The following AXIN1 variants were observed in gnomAD, a reference collection of about 807,000 sequenced individuals.
The protein encoded by AXIN1 is axin-1.
AXIN1 carries 30 observed loss-of-function variants against 76.4 expected under a neutral mutation model. That is an observed-to-expected ratio of 0.39 (90% CI 0.29 to 0.53). The LOEUF (loss-of-function observed/expected upper bound fraction) is 0.53. Ranked by LOEUF, AXIN1 falls within the 20% of genes least tolerant of loss-of-function variation. The pLI, the probability that AXIN1 is intolerant of heterozygous loss-of-function variation, is 0.66. For synonymous variants in AXIN1, 545 were observed against 501.4 expected, an observed-to-expected ratio of 1.09 and a Z score of -1.16; for missense variants, 1,140 against 1,198.8, an observed-to-expected ratio of 0.95 and a Z score of 0.72.
intron 4 of AXIN1, among the ~76,000 whole-genome samples, chr16:306,901 G>A (rs932810691): frequency 1.3e-5 from 2 of 152,254 alleles, no homozygotes; most frequent in Non-Finnish European, 2.9e-5. Flanking sequence ...GGGCCGGTGT[G>A]TCCGGGTGTG....
intron 2 of AXIN1, among the ~76,000 whole-genome samples, chr16:335,323 C>T (rs987069202): frequency 1.3e-5 from 2 of 152,256 alleles, no homozygotes; most frequent in African/African-American, 2.4e-5. Flanking sequence ...CACACCTCGG[C>T]CACTAGTCTG....
At chr16:310,640 G>C (rs879533340) in intron 3 of AXIN1, among the ~76,000 whole-genome samples, 164 of 152,322 alleles carry the variant, frequency 1.1e-3, no homozygotes, top group Admixed American at 4.7e-3. Flanking sequence ...CTCGTGATCC[G>C]CCCGCCTCGG....
chr16:326,027 C>T (rs2053572130), intron 2 of AXIN1, among the ~76,000 whole-genome samples: 1 of 151,910 alleles, frequency 6.6e-6, no homozygotes, highest in African/African-American at 2.4e-5. Flanking sequence ...ACAACTGGCC[C>T]CCATTCATGC....
Position 352,706 on chromosome 16 carries a change from C to G in AXIN1, c.-419G>C, listed in dbSNP as rs1000508105. On this transcript the variant is annotated 5_prime_UTR_variant, in exon 1 of 11. Transcript: ENST00000262320. ...CGAAGCCCAGGCCCGAGCGCCCCCGCCGGCGGCGTCCGGAAGTGCGGGGGC... is the reference window on the plus strand; with the variant it reads ...CGAAGCCCAGGCCCGAGCGCCCCCGGCGGCGGCGTCCGGAAGTGCGGGGGC... 79 of 154,802 alleles carry G rather than the reference C, an allele frequency of 5.1e-4. No homozygotes were observed. Among genetic ancestry groups the G allele is most frequent in the Non-Finnish European group, 9.6e-4 (67 of 69,688 alleles). The allele number at this position is 154,802 out of a possible 1,614,324, so 9.6% of individuals were successfully genotyped here. A position where few individuals can be genotyped will look rare whatever the true frequency, so the allele number is the denominator to read the frequency against.
At chr16:299,406 G>T (rs565920067) in intron 5 of AXIN1, among the ~76,000 whole-genome samples, 2 of 152,368 alleles carry the variant, frequency 1.3e-5, no homozygotes, top group Admixed American at 6.5e-5. Flanking sequence ...AGGCTGGAGT[G>T]CAGTGGCACG....
chr16:352,183 G>A (rs962846518), intron 1 of AXIN1, among the ~76,000 whole-genome samples, 186 bp downstream of exon 1: 10 of 151,740 alleles, frequency 6.6e-5, no homozygotes, highest in Non-Finnish European at 1.5e-4. Flanking sequence ...CGCGCCCGAG[G>A]CCTCGGACCT....
At chr16:327,389 C>A (rs1047042445) in intron 2 of AXIN1, among the ~76,000 whole-genome samples, 1 of 152,224 alleles carries the variant, frequency 6.6e-6, no homozygotes, top group African/African-American at 2.4e-5. Flanking sequence ...GAATGAGTCA[C>A]CAGGCACCAG....
intron 2 of AXIN1, among the ~76,000 whole-genome samples, chr16:322,088 A>G (rs2053471637): frequency 6.6e-6 from 1 of 152,222 alleles, no homozygotes; most frequent in Non-Finnish European, 1.5e-5. Context: ...GCACAGACCC[A>G]AAGATGCACG....
intron 5 of AXIN1, chr16:299,111 G>C (rs2052798641): frequency 1.0e-6 from 1 of 985,270 alleles, no homozygotes; most frequent in Non-Finnish European, 1.2e-6. Context: ...CGGCTCTTGG[G>C]TTATGTACAT....
At chr16:291,070 G>A in intron 9 of AXIN1, 120 bp downstream of exon 9, 1 of 926,482 alleles carries the variant, frequency 1.1e-6, no homozygotes, top group Non-Finnish European at 1.7e-6. Flanking sequence ...TCCTGCCACA[G>A]CTGCTTCTGA....
intron 2 of AXIN1, among the ~76,000 whole-genome samples, chr16:322,068 G>A (rs943899151): frequency 4.6e-5 from 7 of 152,212 alleles, no homozygotes; most frequent in Non-Finnish European, 7.3e-5. Flanking sequence ...ACATGAAGAC[G>A]GAGGTGGCCG....
chr16:352,153 A>T (rs1256246169), intron 1 of AXIN1, among the ~76,000 whole-genome samples: 15 of 151,652 alleles, frequency 9.9e-5, no homozygotes, highest in African/African-American at 2.9e-4. Flanking sequence ...CGGCCCCTGC[A>T]GCTGCTCCGT....
intron 9 of AXIN1, 77 bp downstream of exon 9, chr16:291,113 G>T: frequency 7.2e-7 from 1 of 1,386,226 alleles, no homozygotes; most frequent in South Asian, 1.2e-5. Flanking sequence ...CCGGGACGGC[G>T]GCTCTACGAT....
rs903766423 is a variant in AXIN1, at chr16:331,155, C to T, written c.878+14993G>A. Among the ~76,000 whole-genome samples the T allele has an allele frequency of 5.3e-5, 8 of 152,124 alleles. No homozygotes were observed. The South Asian group carries it at 6.2e-4, about 12-fold the overall frequency. ...AGCTCTCAGTGCTGAAGCTACAAGA[C>T]GAAAATAACAACTTCTGAAAGCCAC... On this transcript the variant is annotated intron_variant, in intron 2 of 10. Coordinates refer to ENST00000262320, the MANE Select transcript of AXIN1 (RefSeq NM_003502.4).
intron 2 of AXIN1, among the ~76,000 whole-genome samples, chr16:321,008 G>A (rs945444318): frequency 6.6e-6 from 1 of 152,130 alleles, no homozygotes; most frequent in African/African-American, 2.4e-5. Context: ...AAAGTGCTGG[G>A]ATTACAGGCT....
At chr16:338,832 A>G (rs367733951) in intron 2 of AXIN1, among the ~76,000 whole-genome samples, 2 of 152,142 alleles carry the variant, frequency 1.3e-5, no homozygotes, top group South Asian at 4.2e-4. Context: ...CTGAGACTAG[A>G]GAATCACTTG....
At chr16:295,541 ACT>A (rs2052688324) in intron 7 of AXIN1, among the ~76,000 whole-genome samples, 1 of 151,474 alleles carries the variant, frequency 6.6e-6, no homozygotes, top group Non-Finnish European at 1.5e-5. Flanking sequence ...ACAGAGGGAG[ACT>A]CTGTCGCAAA....
At chr16:347,890 T>C (rs2054064826) in intron 1 of AXIN1, among the ~76,000 whole-genome samples, 1 of 152,198 alleles carries the variant, frequency 6.6e-6, no homozygotes, top group Non-Finnish European at 1.5e-5. Context: ...AAAGCCTCTC[T>C]GATGAGGATT....
At position 304,331 on chromosome 16, in the gene AXIN1, C is replaced by T. The variant is rs201889303; in HGVS notation, c.1227G>A (p.Leu409=). Residue 409 remains leucine, a synonymous_variant, in exon 5 of 11, where the codon CTG becomes CTA. Coordinates refer to ENST00000262320, the MANE Select transcript of AXIN1 (RefSeq NM_003502.4). ...VQRTREAEEK[L]EERLKRVRME... ...TGCGCACGCGCTTCAGCCGCTCCTC[C>T]AGCTTCTCCTCGGCCTCCCGCGTGC... The T allele has an allele frequency of 3.3e-5, 54 of 1,612,326 alleles. No homozygotes were observed. Among genetic ancestry groups the T allele is most frequent in the Non-Finnish European group, 4.5e-5 (53 of 1,179,862 alleles).
Sources: allele counts gnomAD v4.1 joint callset (sites outside exome capture counted in the v4.1 genomes callset), GRCh38; gene constraint gnomAD v4.1.1; transcripts MANE v1.5; gene names NCBI Gene and HGNC (gene_info 2026-07-23, HGNC 2026-07-21).